Variants in DSCAML1 observed in about 807,000 individuals in gnomAD.
The protein encoded by DSCAML1 is cell adhesion molecule DSCAML1.
DSCAML1 carries 38 observed loss-of-function variants against 200.5 expected under a neutral mutation model. The observed-to-expected ratio is 0.19, with a 90% CI of 0.15 to 0.25. DSCAML1 has a LOEUF of 0.25. Among genes scored for constraint, DSCAML1 ranks in the 10% least tolerant of loss-of-function variants. DSCAML1 has a pLI of 1.00. For missense variants in DSCAML1, 2,223 were observed against 2,858.8 expected, an observed-to-expected ratio of 0.78 and a Z score of 5.07; for synonymous variants, 1,215 against 1,165.0, an observed-to-expected ratio of 1.04 and a Z score of -0.87.
intron 19 of DSCAML1, 100 bp downstream of exon 19, chr11:117,458,654 A>G: frequency 6.9e-7 from 1 of 1,446,456 alleles, no homozygotes; most frequent in South Asian, 1.2e-5. Context: ...AGGCCAGGAG[A>G]AAGGACAGTA....
intron 3 of DSCAML1, among the ~76,000 whole-genome samples, chr11:117,683,259 T>C (rs1441708179): frequency 6.6e-6 from 1 of 152,068 alleles, no homozygotes; most frequent in Non-Finnish European, 1.5e-5. Context: ...AACTGAGCGA[T>C]AAGGAAAATA....
chr11:117,723,171 T>A (rs550126896), intron 3 of DSCAML1, among the ~76,000 whole-genome samples: 27 of 152,366 alleles, frequency 1.8e-4, no homozygotes, highest in Admixed American at 1.2e-3. Flanking sequence ...AGCTATTTTT[T>A]AAAAAGTATT....
intron 2 of DSCAML1, among the ~76,000 whole-genome samples, chr11:117,778,284 C>A (rs1311622237): frequency 6.6e-6 from 1 of 152,212 alleles, no homozygotes; most frequent in African/African-American, 2.4e-5. Flanking sequence ...CAGAGCCCTG[C>A]CTCCAGATAT....
intron 3 of DSCAML1, among the ~76,000 whole-genome samples, chr11:117,603,401 AT>A (rs2051503828): frequency 6.6e-6 from 1 of 152,204 alleles, no homozygotes; most frequent in African/African-American, 2.4e-5. Context: ...GGTCAGGCTT[AT>A]TTGGATCTTT....
chr11:117,628,572 C>G (rs976070049), intron 3 of DSCAML1, among the ~76,000 whole-genome samples: 24 of 152,322 alleles, frequency 1.6e-4, no homozygotes, highest in African/African-American at 5.8e-4. Context: ...TGAGACCCAT[C>G]TCCATACCGG....
chr11:117,465,911 C>CGA (rs2048571495), intron 16 of DSCAML1, among the ~76,000 whole-genome samples: 1 of 152,178 alleles, frequency 6.6e-6, no homozygotes, highest in Non-Finnish European at 1.5e-5. Flanking sequence ...TACCACTTCA[C>CGA]ATCCATTAGG....
chr11:117,796,847 G>C (rs1455576920), intron 1 of DSCAML1, among the ~76,000 whole-genome samples, 187 bp downstream of exon 1: 1 of 152,100 alleles, frequency 6.6e-6, no homozygotes, highest in Admixed American at 6.5e-5. Flanking sequence ...TGGCGGAGCG[G>C]TCGGGGGCTG....
chr11:117,551,538 C>T (rs1042405687), intron 3 of DSCAML1, among the ~76,000 whole-genome samples: 1 of 152,108 alleles, frequency 6.6e-6, no homozygotes, highest in Non-Finnish European at 1.5e-5. Context: ...CTGAGGGACG[C>T]GTGTTGGGTG....
At chr11:117,689,219 G>A (rs61679976) in intron 3 of DSCAML1, among the ~76,000 whole-genome samples, 8,328 of 152,290 alleles carry the variant, frequency 0.055, 732 homozygotes, top group African/African-American at 0.19. Context: ...TTTAAGGGAC[G>A]CATACAAAGA....
chr11:117,665,947 C>A (rs2052965686), intron 3 of DSCAML1, among the ~76,000 whole-genome samples: 1 of 152,262 alleles, frequency 6.6e-6, no homozygotes, highest in African/African-American at 2.4e-5. Flanking sequence ...AAGGCACACA[C>A]AACACCAAAC....
intron 3 of DSCAML1, among the ~76,000 whole-genome samples, chr11:117,689,254 C>T (rs12420746): frequency 2.6e-5 from 4 of 152,200 alleles, no homozygotes; most frequent in Non-Finnish European, 4.4e-5. Flanking sequence ...GAGCTGTTTG[C>T]GTGTTGCTTT....
At chr11:117,433,353 A>G (rs1156476535) in intron 28 of DSCAML1, 88 bp downstream of exon 28, 27 of 1,582,628 alleles carry the variant, frequency 1.7e-5, no homozygotes, top group Non-Finnish European at 2.3e-5. Context: ...CCTGCCTCCT[A>G]TTCTGGGAGT....
intron 5 of DSCAML1, among the ~76,000 whole-genome samples, chr11:117,523,783 A>T (rs1408635387): frequency 6.6e-6 from 1 of 152,202 alleles, no homozygotes; most frequent in Non-Finnish European, 1.5e-5. Flanking sequence ...GTCAACCAGG[A>T]TGAGAGGTGG....
At chr11:117,557,314 G>A (rs753347396) in intron 3 of DSCAML1, among the ~76,000 whole-genome samples, 7 of 152,180 alleles carry the variant, frequency 4.6e-5, no homozygotes, top group Admixed American at 6.5e-5. Context: ...TTCCCTGGAA[G>A]AGACGTGGGG....
At chr11:117,554,578 T>A (rs1176980043) in intron 3 of DSCAML1, among the ~76,000 whole-genome samples, 2 of 152,186 alleles carry the variant, frequency 1.3e-5, no homozygotes, top group Admixed American at 1.3e-4. Flanking sequence ...AGTTTCACCA[T>A]GTTGACCAGG....
intron 3 of DSCAML1, among the ~76,000 whole-genome samples, chr11:117,738,464 A>G (rs1205496724): frequency 6.6e-6 from 1 of 152,022 alleles, no homozygotes; most frequent in Non-Finnish European, 1.5e-5. Context: ...CGTCAATGTC[A>G]ACCATGCTTC....
At chr11:117,776,286 C>A (rs2055127772) in intron 3 of DSCAML1, among the ~76,000 whole-genome samples, 1 of 152,134 alleles carries the variant, frequency 6.6e-6, no homozygotes, top group African/African-American at 2.4e-5. Context: ...GAGTCTTTAG[C>A]CAACTCATTC....
intron 3 of DSCAML1, among the ~76,000 whole-genome samples, chr11:117,607,688 A>G (rs2051596844): frequency 6.6e-6 from 1 of 152,206 alleles, no homozygotes; most frequent in South Asian, 2.1e-4. Context: ...CCCACACCTT[A>G]TCTGTGCTGA....
intron 24 of DSCAML1, 114 bp from the exon 25 acceptor site, chr11:117,438,197 T>G: frequency 9.3e-7 from 1 of 1,071,374 alleles, no homozygotes; most frequent in Non-Finnish European, 1.3e-6. Context: ...GAGTCAGGCT[T>G]TTGGTCATTG....
Sources: allele counts gnomAD v4.1 joint callset (sites outside exome capture counted in the v4.1 genomes callset), GRCh38; gene constraint gnomAD v4.1.1; transcripts MANE v1.5; gene names NCBI Gene and HGNC (gene_info 2026-07-23, HGNC 2026-07-21).